UBE2E2: variants seen among roughly 807,000 people sequenced by gnomAD.
The protein encoded by UBE2E2 is ubiquitin-conjugating enzyme E2 E2.
A neutral mutation model predicts 24.7 loss-of-function variants in UBE2E2; 6 were observed. The ratio of observed to expected loss-of-function variants is 0.24; its 90% CI spans 0.13 to 0.48. The LOEUF is 0.48. UBE2E2 is among the 20% of genes least tolerant of loss of function. The probability of loss-of-function intolerance (pLI) is 0.99; values close to 1 mark genes in which losing one functional copy is unlikely to be tolerated. For missense variants in UBE2E2, 169 were observed against 245.0 expected (o/e 0.69, Z 2.07); for synonymous variants, 104 against 83.6 (o/e 1.24, Z -1.33).
At chr3:23,260,594 C>G (rs996129640) in intron 3 of UBE2E2, among the ~76,000 whole-genome samples, 4 of 152,054 alleles carry the variant, frequency 2.6e-5, no homozygotes, top group Non-Finnish European at 5.9e-5. Context: ...GGGAGGATTG[C>G]TTGAGTTCAG....
chr3:23,209,603 C>T (rs1346673191), intron 2 of UBE2E2, among the ~76,000 whole-genome samples: 1 of 152,132 alleles, frequency 6.6e-6, no homozygotes, highest in African/African-American at 2.4e-5. Flanking sequence ...TTTACATTGA[C>T]CAAGTCGGAA....
intron 3 of UBE2E2, among the ~76,000 whole-genome samples, chr3:23,385,076 G>A (rs1363736025): frequency 2.6e-5 from 4 of 152,086 alleles, no homozygotes; most frequent in African/African-American, 4.8e-5. Context: ...GACCACGGGC[G>A]CACACTACCA....
intron 3 of UBE2E2, among the ~76,000 whole-genome samples, chr3:23,392,079 G>C (rs1368562206): frequency 6.6e-6 from 1 of 152,008 alleles, no homozygotes; most frequent in African/African-American, 2.4e-5. Flanking sequence ...CCCAAGTATT[G>C]GGTATTAGAA....
rs1218388519 is a variant in UBE2E2 at position 23,268,212 on chromosome 3, T to C, written c.227+50900T>C. Among the ~76,000 whole-genome samples, 8 of 148,610 alleles carry C rather than the reference T, an allele frequency of 5.4e-5. No homozygotes were observed. The East Asian group carries it at 1.0e-3, about 18-fold the overall frequency. ...TGTTGGAAGTTCTGGCCAGGGCAAT[T>C]AGGCAGGAGAAGGAAATAAAGGGTA... On this transcript the variant is annotated intron_variant, in intron 3 of 5. Transcript: ENST00000396703.
intron 3 of UBE2E2, among the ~76,000 whole-genome samples, chr3:23,431,908 A>T (rs1054961930): frequency 1.1e-4 from 17 of 152,186 alleles, no homozygotes; most frequent in African/African-American, 3.9e-4. Context: ...ACAAGCTGAT[A>T]AGTAGTCATT....
intron 3 of UBE2E2, 48 bp from the exon 4 acceptor site, chr3:23,499,560 G>A: frequency 6.4e-7 from 1 of 1,573,432 alleles, no homozygotes. Flanking sequence ...TTAAATTCCA[G>A]CCTTTATGTA....
intron 3 of UBE2E2, among the ~76,000 whole-genome samples, chr3:23,323,266 A>T (rs1441445515): frequency 6.6e-6 from 1 of 152,076 alleles, no homozygotes; most frequent in African/African-American, 2.4e-5. Context: ...AATTGCCTAC[A>T]TTTTATAACT....
At chr3:23,468,490 A>T (rs1372354953) in intron 3 of UBE2E2, among the ~76,000 whole-genome samples, 1 of 152,242 alleles carries the variant, frequency 6.6e-6, no homozygotes, top group East Asian at 1.9e-4. Context: ...AAACATTCTG[A>T]TACATTTAGT....
At chr3:23,279,475 G>T (rs1280167728) in intron 3 of UBE2E2, among the ~76,000 whole-genome samples, 3 of 152,126 alleles carry the variant, frequency 2.0e-5, no homozygotes, top group Non-Finnish European at 2.9e-5. Flanking sequence ...TCAAATGCAT[G>T]TCCAGATATA....
intron 3 of UBE2E2, among the ~76,000 whole-genome samples, chr3:23,232,637 A>G (rs534472182): frequency 2.0e-5 from 3 of 152,360 alleles, no homozygotes; most frequent in African/African-American, 7.2e-5. Context: ...CTTCCTACAT[A>G]TAAATGTTGC....
intron 3 of UBE2E2, among the ~76,000 whole-genome samples, chr3:23,270,158 T>G (rs1180092733): frequency 1.4e-5 from 2 of 148,058 alleles, no homozygotes; most frequent in African/African-American, 4.9e-5. Flanking sequence ...CCTCCTTTTT[T>G]TTTTTTTTTT....
At chr3:23,490,493 TAC>T (rs1391477848) in intron 3 of UBE2E2, among the ~76,000 whole-genome samples, 1 of 152,230 alleles carries the variant, frequency 6.6e-6, no homozygotes, top group African/African-American at 2.4e-5. Context: ...CACTACTTTA[TAC>T]AGTTATGTCT....
rs190348495 is a variant in UBE2E2 at position 23,386,009 on chromosome 3, T to A, written c.228-113599T>A. On this transcript the variant is annotated intron_variant, in intron 3 of 5. Transcript: ENST00000396703. ...AACTTATTTGATGCAAAGCTAGTTC[T>A]AAAATCGAATAGAATTACAAACATT... Among the ~76,000 whole-genome samples the A allele has an allele frequency of 1.7e-3, 260 of 152,370 alleles. 4 individuals are homozygous for A. Among genetic ancestry groups the A allele is most frequent in the Admixed American group, 3.9e-3 (59 of 15,300 alleles).
At chr3:23,229,736 A>G (rs764435735) in intron 3 of UBE2E2, among the ~76,000 whole-genome samples, 14 of 152,330 alleles carry the variant, frequency 9.2e-5, no homozygotes, top group Admixed American at 1.3e-4. Flanking sequence ...ACTTTCTGTT[A>G]TGATAGACCT....
intron 1 of UBE2E2, among the ~76,000 whole-genome samples, chr3:23,208,194 G>A (rs1287961444): frequency 6.6e-6 from 1 of 152,038 alleles, no homozygotes; most frequent in Non-Finnish European, 1.5e-5. Flanking sequence ...ACAGGCGTGA[G>A]GTTCACTACT....
chr3:23,471,190 C>G (rs761237740), intron 3 of UBE2E2, among the ~76,000 whole-genome samples: 1 of 152,174 alleles, frequency 6.6e-6, no homozygotes, highest in Non-Finnish European at 1.5e-5. Flanking sequence ...AAATTCTGAA[C>G]TAGACCTTGA....
In UBE2E2 at chr3:23,474,333, G is replaced by A. The variant is rs1699084434; in HGVS notation, c.228-25275G>A. ...TTTTGAAGATTTTTCCCACTCTGTG[G>A]GTTATCTGTTTACTGACTGAAGTGA... On this transcript the variant is annotated intron_variant, in intron 3 of 5. Transcript: ENST00000396703. The surrounding 1 kb of genome is among the most constrained non-coding windows in gnomAD (Gnocchi z 4.0). Among the ~76,000 whole-genome samples, 1 of 151,860 alleles carries A rather than the reference G, an allele frequency of 6.6e-6. No individual in the cohort carries two copies. Among genetic ancestry groups the A allele is most frequent in the African/African-American group, 2.4e-5 (1 of 41,280 alleles).
chr3:23,390,995 A>G (rs1424932869), intron 3 of UBE2E2, among the ~76,000 whole-genome samples: 1 of 152,262 alleles, frequency 6.6e-6, no homozygotes, highest in Non-Finnish European at 1.5e-5. Context: ...TTATATAACA[A>G]CTAATACTTC....
intron 3 of UBE2E2, among the ~76,000 whole-genome samples, chr3:23,492,524 C>G (rs758814525): frequency 2.0e-5 from 3 of 152,174 alleles, no homozygotes; most frequent in Non-Finnish European, 4.4e-5. Flanking sequence ...TTCTCACTTG[C>G]TGTGTAGTAT....
Sources: gnomAD v4.1 joint callset for allele counts (sites outside exome capture counted in the v4.1 genomes callset) on GRCh38, gnomAD v4.1.1 for gene constraint, Gnocchi (gnomAD v3.1) non-coding constraint, MANE v1.5 for transcripts, NCBI Gene and HGNC (gene_info 2026-07-23, HGNC 2026-07-21) for gene names.